CILK1: variants seen among roughly 807,000 people sequenced by gnomAD.
The protein encoded by CILK1 is serine/threonine-protein kinase ICK.
A neutral mutation model predicts 79.2 loss-of-function variants in CILK1; 47 were observed. The observed-to-expected ratio is 0.59, with a 90% CI of 0.47 to 0.76. CILK1 has a LOEUF of 0.76. CILK1 is among the 30% of genes least tolerant of loss of function. The probability of loss-of-function intolerance (pLI) is 0.00; values close to 1 mark genes in which losing one functional copy is unlikely to be tolerated. For missense variants in CILK1, 660 were observed against 769.5 expected (o/e 0.86, Z 1.68); for synonymous variants, 266 against 275.9 (o/e 0.96, Z 0.36).
intron 3 of CILK1, among the ~76,000 whole-genome samples, chr6:53,033,404 G>A (rs1240572668): frequency 2.0e-5 from 3 of 152,180 alleles, no homozygotes; most frequent in Non-Finnish European, 2.9e-5. Context: ...GCGTACATGT[G>A]AGTATAGCCA....
chr6:53,011,969 CGG>C, intron 10 of CILK1, 52 bp from the exon 11 acceptor site: 1 of 1,613,842 alleles, frequency 6.2e-7, no homozygotes, highest in Non-Finnish European at 8.5e-7. Context: ...TATGTATTCT[CGG>C]ATATGTACCC....
At chr6:53,032,403 A>C in intron 4 of CILK1, 130 bp downstream of exon 4, 2 of 332,180 alleles carry the variant, frequency 6.0e-6, no homozygotes, top group Non-Finnish European at 9.4e-6. Context: ...GTATAATAAT[A>C]ATAAAATAAA....
At chr6:53,034,738 A>C (rs1766195305) in intron 3 of CILK1, among the ~76,000 whole-genome samples, 1 of 152,212 alleles carries the variant, frequency 6.6e-6, no homozygotes, top group South Asian at 2.1e-4. Flanking sequence ...TACAAAATAC[A>C]TCTAATAAAA....
In CILK1 at chr6:53,047,384, G is replaced by C. The variant is rs376735317; in HGVS notation, c.-172-5976C>G. ...AGTGGTGAAAATCACAGCTCACTGT[G>C]GCCTCAACCTCCTAGGCCCAAGTAA... is the stretch of plus-strand genomic sequence containing the variant. On this transcript the variant is annotated intron_variant, in intron 1 of 13. Coordinates refer to ENST00000676107, the MANE Select transcript of CILK1 (RefSeq NM_014920.5). Among the ~76,000 whole-genome samples the C allele has an allele frequency of 4.0e-5, 6 of 151,390 alleles. No individual in the cohort carries two copies. The South Asian group carries it at 6.3e-4, about 16-fold the overall frequency.
rs778750978 is a variant in CILK1 at position 53,019,383 on chromosome 6, A to C, written c.359-24T>G. 3.1e-6 allele frequency: 5 copies of C among 1,613,572 alleles called. No homozygotes were observed. In the Admixed American group the frequency reaches 8.3e-5, roughly 27 times the overall value. ...GCCTATAGAGACAGTAGAGGAGAAG[A>C]AATCCAAATGCAAGTTTGCTTCGTA... On this transcript the variant is annotated intron_variant, in intron 5 of 13. Transcript: ENST00000676107.
rs759836069 is a variant in CILK1 at position 53,018,341 on chromosome 6, T to C, written c.652A>G (p.Thr218Ala). ...TIFKICQVLG[T>A]PKKTDWPEGY... is the part of the protein sequence containing the mutation. Reference sequence around the variant, plus strand: ...TTTTGTATCATTACCTTTTTTGGTGTCCCCAGCACTTGGCAAATTTTGAAT... The same window carrying C: ...TTTTGTATCATTACCTTTTTTGGTGCCCCCAGCACTTGGCAAATTTTGAAT... The change falls in exon 7 of 14, where the codon ACA (threonine) becomes GCA (alanine). Residue 218 changes from threonine (T) to alanine (A), a missense_variant. Transcript: ENST00000676107. 1.1e-5 allele frequency: 17 copies of C among 1,614,166 alleles called. No individual in the cohort carries two copies. The Middle Eastern group carries it at 2.0e-3, about 188-fold the overall frequency.
At chr6:53,043,777 C>A (rs1045221900) in intron 1 of CILK1, among the ~76,000 whole-genome samples, 2 of 151,250 alleles carry the variant, frequency 1.3e-5, no homozygotes, top group African/African-American at 4.9e-5. Flanking sequence ...AGGGGGGAAG[C>A]AGATATGTAC....
chr6:53,008,984 G>C (rs969863003), intron 12 of CILK1, among the ~76,000 whole-genome samples: 3 of 152,116 alleles, frequency 2.0e-5, no homozygotes, highest in African/African-American at 7.2e-5. Context: ...CAAAAAAAGT[G>C]GGGAGGGTCT....
rs1410726948 is a variant in CILK1, at chr6:53,003,300, T to C, written c.*1849A>G. 6.6e-6 allele frequency: 1 copy of C among 152,368 alleles called. No individual in the cohort carries two copies. The highest frequency in any genetic ancestry group is 1.5e-5 in the Non-Finnish European group (1 of 68,032). The allele number at this position is 152,368 out of a possible 1,614,324, so 9.4% of individuals were successfully genotyped here. On this transcript the variant is annotated 3_prime_UTR_variant, in exon 14 of 14. Coordinates refer to ENST00000676107, the MANE Select transcript of CILK1 (RefSeq NM_014920.5). ...CTCCAAAGCATAAATTACTCTCCGA[T>C]TTTAGGTTAGGGCCCTTTGGAAGCC...
intron 1 of CILK1, among the ~76,000 whole-genome samples, chr6:53,049,061 G>A (rs956467622): frequency 6.6e-6 from 1 of 152,172 alleles, no homozygotes; most frequent in Non-Finnish European, 1.5e-5. Flanking sequence ...AGCTGCAGAG[G>A]GTGTATTCAT....
chr6:53,051,970 G>C (rs768312684), intron 1 of CILK1: 4 of 152,186 alleles, frequency 2.6e-5, no homozygotes, highest in Non-Finnish European at 5.9e-5. Context: ...TGTGCAGAAT[G>C]TGCAGGTTTG....
intron 12 of CILK1, among the ~76,000 whole-genome samples, chr6:53,007,814 C>A (rs184458060): frequency 6.6e-6 from 1 of 151,630 alleles, no homozygotes; most frequent in East Asian, 1.9e-4. Context: ...GTGGCACATG[C>A]CTGTAATCCT....
At chr6:53,026,632 G>A (rs190791857) in intron 5 of CILK1, among the ~76,000 whole-genome samples, 1 of 152,274 alleles carries the variant, frequency 6.6e-6, no homozygotes, top group East Asian at 1.9e-4. Flanking sequence ...TGAGGAGGTG[G>A]TAATAAAACT....
At chr6:53,016,332 G>A in intron 7 of CILK1, 82 bp from the exon 8 acceptor site, 2 of 1,408,908 alleles carry the variant, frequency 1.4e-6, no homozygotes, top group Non-Finnish European at 2.0e-6. Flanking sequence ...TGCCCCAAAT[G>A]GAAAGGCAAC....
At chr6:53,032,933 ATTT>A (rs1461991910) in intron 3 of CILK1, among the ~76,000 whole-genome samples, 1 of 152,144 alleles carries the variant, frequency 6.6e-6, no homozygotes, top group Non-Finnish European at 1.5e-5. Context: ...TACCAAGGCT[ATTT>A]TGGGCCCACC....
chr6:53,042,333 T>C (rs538227139), intron 1 of CILK1, among the ~76,000 whole-genome samples: 15 of 152,352 alleles, frequency 9.8e-5, no homozygotes, highest in Non-Finnish European at 1.8e-4. Context: ...CACTGAGAGA[T>C]AACTGTGGTC....
chr6:53,047,806 G>C (rs977521432), intron 1 of CILK1, among the ~76,000 whole-genome samples: 4 of 151,928 alleles, frequency 2.6e-5, no homozygotes, highest in African/African-American at 9.7e-5. Context: ...GACTGGGTGA[G>C]TCTTAGATAC....
chr6:53,046,491 A>G (rs1234295561), intron 1 of CILK1, among the ~76,000 whole-genome samples: 2 of 152,216 alleles, frequency 1.3e-5, no homozygotes, highest in African/African-American at 2.4e-5. Context: ...CATTCATTCA[A>G]TGCACAGTCA....
rs894818963 is a variant in CILK1 at position 53,061,171 on chromosome 6, T to A, written c.-173+425A>T. ...GGAATATCCGTCAATATCCTTCTCA[T>A]AACAGCTACTCAGATTAGTAAGAAA... On this transcript the variant is annotated intron_variant, in intron 1 of 13. Coordinates refer to ENST00000676107, the MANE Select transcript of CILK1 (RefSeq NM_014920.5). The A allele has an allele frequency of 2.6e-5, 4 of 152,216 alleles. No homozygotes were observed. In the East Asian group the frequency reaches 7.7e-4, roughly 29 times the overall value. The allele number at this position is 152,216 out of a possible 1,614,324, so 9.4% of individuals were successfully genotyped here.
Sources: allele counts gnomAD v4.1 joint callset (sites outside exome capture counted in the v4.1 genomes callset), GRCh38; gene constraint gnomAD v4.1.1; transcripts MANE v1.5; gene names NCBI Gene and HGNC (gene_info 2026-07-23, HGNC 2026-07-21).